NOL4: variants seen among roughly 807,000 people sequenced by gnomAD.
NOL4 encodes the protein cancer/testis antigen 125.
NOL4 carries 17 observed loss-of-function variants against 75.9 expected under a neutral mutation model. That is an observed-to-expected ratio of 0.22 (90% confidence interval 0.15 to 0.34). The LOEUF is 0.34. Among genes scored for constraint, NOL4 ranks in the 10% least tolerant of loss-of-function variants. The pLI, the probability that NOL4 is intolerant of heterozygous loss-of-function variation, is 1.00. For missense variants in NOL4, 614 were observed against 793.5 expected, an observed-to-expected ratio of 0.77 and a Z score of 2.72; for synonymous variants, 292 against 289.9, an observed-to-expected ratio of 1.01 and a Z score of -0.07.
intron 1 of NOL4, among the ~76,000 whole-genome samples, chr18:34,136,143 C>A (rs1175116691): frequency 6.6e-6 from 1 of 152,074 alleles, no homozygotes; most frequent in African/African-American, 2.4e-5. Flanking sequence ...CAACATACTT[C>A]CCTGACAAAA....
chr18:34,014,720 G>A (rs2074579382), intron 6 of NOL4, among the ~76,000 whole-genome samples: 2 of 152,008 alleles, frequency 1.3e-5, no homozygotes, highest in South Asian at 4.1e-4. Context: ...GCGGCCATCA[G>A]CAAGTAGAAA....
intron 2 of NOL4, among the ~76,000 whole-genome samples, chr18:34,113,834 T>C (rs1044355373): frequency 1.3e-5 from 2 of 152,154 alleles, no homozygotes; most frequent in Non-Finnish European, 2.9e-5. Flanking sequence ...AGGCCTATGT[T>C]AAGTACCTCT....
At chr18:33,959,878 C>T (rs898255882) in intron 6 of NOL4, among the ~76,000 whole-genome samples, 35 of 151,974 alleles carry the variant, frequency 2.3e-4, no homozygotes, top group African/African-American at 8.2e-4. Flanking sequence ...CTAGGTCTGC[C>T]TAAGAGCTAA....
At chr18:34,203,687 T>TCC (rs1208049069) in intron 1 of NOL4, among the ~76,000 whole-genome samples, 139 of 71,570 alleles carry the variant, frequency 1.9e-3, no homozygotes, top group East Asian at 6.5e-3. Flanking sequence ...TCTCTCTCCC[T>TCC]CTCTCTCTCT....
chr18:34,143,059 G>A (rs746276856), intron 1 of NOL4, among the ~76,000 whole-genome samples: 5 of 151,316 alleles, frequency 3.3e-5, no homozygotes, highest in East Asian at 3.9e-4. Flanking sequence ...TTAATAAAAC[G>A]AGGAGGGAGG....
intron 1 of NOL4, among the ~76,000 whole-genome samples, chr18:34,170,577 A>C (rs921941837): frequency 6.6e-6 from 1 of 152,198 alleles, no homozygotes; most frequent in Non-Finnish European, 1.5e-5. Flanking sequence ...AAAATGTTGA[A>C]TATATTGGGT....
intron 5 of NOL4, among the ~76,000 whole-genome samples, chr18:34,071,051 T>C (rs2077492254): frequency 6.6e-6 from 1 of 152,056 alleles, no homozygotes; most frequent in African/African-American, 2.4e-5. Context: ...GGGGTGACAA[T>C]AGTAAACAAC....
At chr18:33,889,930 A>G (rs2064999152) in intron 9 of NOL4, among the ~76,000 whole-genome samples, 1 of 152,182 alleles carries the variant, frequency 6.6e-6, no homozygotes, top group Non-Finnish European at 1.5e-5. Flanking sequence ...AGCCAATATC[A>G]TACTGAATGG....
intron 9 of NOL4, among the ~76,000 whole-genome samples, chr18:33,925,173 G>A (rs969820744): frequency 6.6e-6 from 1 of 152,072 alleles, no homozygotes; most frequent in African/African-American, 2.4e-5. Flanking sequence ...TGTATGATGT[G>A]CTCTGCATAC....
chr18:34,041,738 A>G (rs2076150416), intron 5 of NOL4, among the ~76,000 whole-genome samples: 1 of 151,898 alleles, frequency 6.6e-6, no homozygotes, highest in Non-Finnish European at 1.5e-5. Context: ...GATATTAAAC[A>G]AAGTTGGAAG....
At chr18:33,863,208 G>T (rs973377156) in intron 10 of NOL4, among the ~76,000 whole-genome samples, 1 of 152,002 alleles carries the variant, frequency 6.6e-6, no homozygotes, top group Non-Finnish European at 1.5e-5. Flanking sequence ...ACTTATAGGT[G>T]GGAATTGAAC....
chr18:34,218,263 T>C (rs2037054404), intron 1 of NOL4, among the ~76,000 whole-genome samples: 1 of 152,196 alleles, frequency 6.6e-6, no homozygotes, highest in African/African-American at 2.4e-5. Flanking sequence ...GCAGTGAGTC[T>C]AGAGAGTAAA....
intron 1 of NOL4, among the ~76,000 whole-genome samples, chr18:34,147,428 G>A (rs528840798): frequency 1.4e-4 from 22 of 152,138 alleles, no homozygotes; most frequent in African/African-American, 5.3e-4. Flanking sequence ...AGCATGAAAG[G>A]GTGTTAAATT....
chr18:34,089,947 A>G (rs1039917679), intron 5 of NOL4, among the ~76,000 whole-genome samples: 4 of 152,092 alleles, frequency 2.6e-5, no homozygotes, highest in Non-Finnish European at 4.4e-5. Context: ...ACACACACAC[A>G]CGCACAAACA....
chr18:34,100,389 C>A (rs2078992159), intron 4 of NOL4, among the ~76,000 whole-genome samples: 2 of 152,230 alleles, frequency 1.3e-5, no homozygotes, highest in South Asian at 4.2e-4. Flanking sequence ...CCCTTCATAG[C>A]AAACTCTTCA....
At chr18:34,070,124 C>A (rs532465764) in intron 5 of NOL4, among the ~76,000 whole-genome samples, 1 of 152,198 alleles carries the variant, frequency 6.6e-6, no homozygotes, top group Admixed American at 6.5e-5. Flanking sequence ...CTCCGCCTTC[C>A]GGGTTCACGC....
chr18:34,083,933 C>T (rs928613015), intron 5 of NOL4, among the ~76,000 whole-genome samples: 6 of 152,136 alleles, frequency 3.9e-5, no homozygotes, highest in African/African-American at 1.4e-4. Context: ...AGGGCTACTG[C>T]GGTTTGTTGG....
At chr18:34,111,976 C>T (rs564705024) in intron 2 of NOL4, among the ~76,000 whole-genome samples, 3 of 152,278 alleles carry the variant, frequency 2.0e-5, no homozygotes, top group Admixed American at 6.5e-5. Context: ...CCAGCAATTC[C>T]ATTTCTGGGA....
chr18:34,029,280 A>T (rs922598237), intron 5 of NOL4, among the ~76,000 whole-genome samples: 1 of 152,172 alleles, frequency 6.6e-6, no homozygotes, highest in Non-Finnish European at 1.5e-5. Flanking sequence ...GGGTCCCTTA[A>T]ATCACTGTCT....
Sources: gnomAD v4.1 joint callset for allele counts (sites outside exome capture counted in the v4.1 genomes callset) on GRCh38, gnomAD v4.1.1 for gene constraint, MANE v1.5 for transcripts, NCBI Gene and HGNC (gene_info 2026-07-23, HGNC 2026-07-21) for gene names.